The following TIAM2 variants were observed in gnomAD, a reference collection of about 807,000 sequenced individuals.
TIAM2 encodes the protein rho guanine nucleotide exchange factor TIAM2.
In TIAM2, 80 loss-of-function variants were observed where a neutral mutation model predicts 152.9. The ratio of observed to expected loss-of-function variants is 0.52; its 90% CI spans 0.44 to 0.63. The LOEUF is 0.63. Ranked by LOEUF, TIAM2 falls within the 30% of genes least tolerant of loss-of-function variation. The pLI is 0.00. For synonymous variants in TIAM2, 804 were observed against 838.0 expected, an observed-to-expected ratio of 0.96 and a Z score of 0.70; for missense variants, 1,965 against 2,120.1, an observed-to-expected ratio of 0.93 and a Z score of 1.44.
chr6:155,124,894 C>T (rs756020169), intron 2 of TIAM2, among the ~76,000 whole-genome samples: 5 of 149,710 alleles, frequency 3.3e-5, no homozygotes, highest in Admixed American at 6.7e-5. Flanking sequence ...AATGTATCTG[C>T]GTGGATAGAC....
intron 5 of TIAM2, among the ~76,000 whole-genome samples, chr6:155,140,740 T>C (rs548400672): frequency 1.1e-4 from 16 of 151,778 alleles, no homozygotes; most frequent in African/African-American, 3.1e-4. Context: ...TGGGTGAGAG[T>C]GAACAGCAGT....
chr6:155,210,242 T>A (rs2115211034), intron 14 of TIAM2, among the ~76,000 whole-genome samples: 1 of 152,118 alleles, frequency 6.6e-6, no homozygotes, highest in East Asian at 1.9e-4. Context: ...AATTTTTAAT[T>A]TACTTAAATT....
At chr6:155,027,633 CTATA>C (rs1294406794) in intron 1 of TIAM2, among the ~76,000 whole-genome samples, 1 of 34,138 alleles carries the variant, frequency 2.9e-5, no homozygotes, top group Non-Finnish European at 5.0e-5. Flanking sequence ...TACATATATA[CTATA>C]TATAATATAT....
chr6:155,227,943 T>A (rs894238059), intron 15 of TIAM2, among the ~76,000 whole-genome samples: 1 of 152,216 alleles, frequency 6.6e-6, no homozygotes, highest in East Asian at 1.9e-4. Context: ...CTTAGAACTA[T>A]TATCAGAGCA....
chr6:155,009,384 G>A (rs1778450739), intron 1 of TIAM2, among the ~76,000 whole-genome samples: 2 of 152,136 alleles, frequency 1.3e-5, no homozygotes, highest in African/African-American at 4.8e-5. Flanking sequence ...TTACAGGTGT[G>A]AGCCACCATG....
intron 12 of TIAM2, 28 bp downstream of exon 12, chr6:155,179,484 G>A: frequency 6.4e-7 from 1 of 1,569,058 alleles, no homozygotes; most frequent in Non-Finnish European, 8.6e-7. Context: ...CCCTTTCAGG[G>A]AATTGTGTTG....
chr6:155,178,880 A>G (rs1780823584), intron 10 of TIAM2, among the ~76,000 whole-genome samples, 159 bp from the exon 11 acceptor site: 1 of 152,174 alleles, frequency 6.6e-6, no homozygotes, highest in Non-Finnish European at 1.5e-5. Flanking sequence ...TGGCCTGCAT[A>G]CAAGTATTTA....
At chr6:155,254,279 G>A in intron 25 of TIAM2, 140 bp from the exon 26 acceptor site, 5 of 1,134,108 alleles carry the variant, frequency 4.4e-6, no homozygotes, top group Non-Finnish European at 6.3e-6. Context: ...CTGTACGGGA[G>A]GCCACATGGC....
chr6:155,211,995 C>T (rs1277748043), intron 15 of TIAM2, among the ~76,000 whole-genome samples: 3 of 152,182 alleles, frequency 2.0e-5, no homozygotes, highest in Non-Finnish European at 4.4e-5. Context: ...TGGCTTATTT[C>T]ACTTAACATA....
chr6:155,121,924 TC>T (rs1472197618), intron 2 of TIAM2: 2 of 152,378 alleles, frequency 1.3e-5, no homozygotes, highest in African/African-American at 4.8e-5. Context: ...CTATTCCCCT[TC>T]AGTTGCTCCA....
At chr6:155,256,264 TA>T in intron 26 of TIAM2, 1 of 642,176 alleles carries the variant, frequency 1.6e-6, no homozygotes, top group Non-Finnish European at 2.7e-6. Context: ...TCTGGTAATC[TA>T]AAAATGCTGA....
At chr6:155,106,124 C>T (rs1457935176) in intron 2 of TIAM2, among the ~76,000 whole-genome samples, 1 of 151,874 alleles carries the variant, frequency 6.6e-6, no homozygotes, top group Non-Finnish European at 1.5e-5. Context: ...CCTGTCTCAG[C>T]CTCCTGAGTA....
intron 14 of TIAM2, among the ~76,000 whole-genome samples, chr6:155,190,097 C>T (rs1328370508): frequency 1.3e-5 from 2 of 152,240 alleles, no homozygotes; most frequent in African/African-American, 2.4e-5. Context: ...GAAAAACCAA[C>T]TAGCTAATTA....
At chr6:155,246,562 C>A (rs1006936560) in intron 19 of TIAM2, among the ~76,000 whole-genome samples, 1 of 152,158 alleles carries the variant, frequency 6.6e-6, no homozygotes, top group Non-Finnish European at 1.5e-5. Flanking sequence ...TCTCAAGCTC[C>A]TGGCCTCAAG....
chr6:155,114,201 G>A (rs1778955819), intron 2 of TIAM2, among the ~76,000 whole-genome samples: 2 of 150,050 alleles, frequency 1.3e-5, no homozygotes, highest in Non-Finnish European at 3.0e-5. Context: ...TTACAGAGGC[G>A]TGCCACCACA....
At chr6:155,001,583 A>G (rs977160235) in intron 1 of TIAM2, among the ~76,000 whole-genome samples, 2 of 152,230 alleles carry the variant, frequency 1.3e-5, no homozygotes, top group Admixed American at 6.5e-5. Context: ...TGGATGTTAC[A>G]TGGCCTGGGC....
At chr6:155,024,683 G>C (rs1314669957) in intron 1 of TIAM2, among the ~76,000 whole-genome samples, 2 of 146,976 alleles carry the variant, frequency 1.4e-5, no homozygotes, top group Non-Finnish European at 3.0e-5. Context: ...TACTATGTTT[G>C]AAAGCCAAGC....
At chr6:155,255,318 A>C (rs1054410645) in intron 26 of TIAM2, 2 of 152,214 alleles carry the variant, frequency 1.3e-5, no homozygotes, top group African/African-American at 4.8e-5. Flanking sequence ...ATAGGGCACC[A>C]AGTAAGCATT....
At chr6:155,017,962 G>A (rs74824365) in intron 1 of TIAM2, among the ~76,000 whole-genome samples, 4,656 of 152,282 alleles carry the variant, frequency 0.031, 93 homozygotes, top group African/African-American at 0.042. Context: ...TGCTGTGAGT[G>A]TAACATACAC....
Sources: allele counts gnomAD v4.1 joint callset (sites outside exome capture counted in the v4.1 genomes callset), GRCh38; gene constraint gnomAD v4.1.1; transcripts MANE v1.5; gene names NCBI Gene and HGNC (gene_info 2026-07-23, HGNC 2026-07-21).